PHYH: variants seen among roughly 807,000 people sequenced by gnomAD.
PHYH encodes phytanoyl-CoA dioxygenase, peroxisomal.
A neutral mutation model predicts 38.5 loss-of-function variants in PHYH; 32 were observed. The observed-to-expected ratio is 0.83, with a 90% CI of 0.63 to 1.12. The LOEUF (loss-of-function observed/expected upper bound fraction) is 1.12, where lower values mean the gene tolerates loss of function less well. Among genes scored for constraint, PHYH ranks in the 50% most tolerant of loss-of-function variants. The probability of loss-of-function intolerance (pLI) is 0.00; values close to 1 mark genes in which losing one functional copy is unlikely to be tolerated. For synonymous variants in PHYH, 166 were observed against 157.9 expected, an observed-to-expected ratio of 1.05 and a Z score of -0.38; for missense variants, 426 against 434.8, an observed-to-expected ratio of 0.98 and a Z score of 0.18.
At chr10:13,295,117 G>C in intron 3 of PHYH, 1 of 283,238 alleles carries the variant, frequency 3.5e-6, no homozygotes, top group South Asian at 3.8e-5. Flanking sequence ...GAGGCCAGGA[G>C]TTCAAGACCA....
In PHYH at chr10:13,278,268, T is replaced by A. The variant is rs1835334828; in HGVS notation, c.*33A>T. The A allele has an allele frequency of 6.6e-7, 1 of 1,521,028 alleles. No individual in the cohort carries two copies. The highest frequency in any genetic ancestry group is 9.1e-7 in the Non-Finnish European group (1 of 1,095,058). The allele number at this position is 1,521,028 out of a possible 1,614,324, so 94.2% of individuals were successfully genotyped here. A position where few individuals can be genotyped will look rare whatever the true frequency, so the allele number is the denominator to read the frequency against. ...CTTAGACATTTCGTTTGGTTTTGGT[T>A]TTCTGTTGAAAGAGTTATAGCAGAT... On this transcript the variant is annotated 3_prime_UTR_variant, in exon 9 of 9. Coordinates refer to ENST00000263038, the MANE Select transcript of PHYH (RefSeq NM_006214.4).
chr10:13,289,404 C>T (rs961827667), intron 5 of PHYH, among the ~76,000 whole-genome samples: 1 of 151,934 alleles, frequency 6.6e-6, no homozygotes, highest in African/African-American at 2.4e-5. Context: ...ACTGTGTTAG[C>T]CAGGATGGTC....
chr10:13,282,889 G>A (rs960196905), intron 7 of PHYH, among the ~76,000 whole-genome samples: 2 of 151,990 alleles, frequency 1.3e-5, no homozygotes, highest in Non-Finnish European at 2.9e-5. Flanking sequence ...GCCCCAACTT[G>A]TCCCACCCTA....
chr10:13,299,889 C>G lies in PHYH; in HGVS notation c.75+79G>C, dbSNP rs732704. Reference sequence around the variant, plus strand: ...TGCGAAGCGTGCGACCCCGAGGCCTCCACCCGGACCAGGGCCACCACTCAG... The same window carrying G: ...TGCGAAGCGTGCGACCCCGAGGCCTGCACCCGGACCAGGGCCACCACTCAG... On this transcript the variant is annotated intron_variant, in intron 1 of 8. Transcript: ENST00000263038. The G allele has an allele frequency of 0.24, 346,258 of 1,453,870 alleles. 43,076 individuals are homozygous for G. Among genetic ancestry groups the G allele is most frequent in the African/African-American group, 0.38 (25,270 of 67,360 alleles). 90.1% of individuals were successfully genotyped at this position (1,453,870 alleles called of 1,614,324 possible). A position where few individuals can be genotyped will look rare whatever the true frequency, so the allele number is the denominator to read the frequency against.
intron 5 of PHYH, 115 bp from the exon 6 acceptor site, chr10:13,288,656 A>T: frequency 9.8e-7 from 1 of 1,015,486 alleles, no homozygotes; most frequent in East Asian, 2.4e-5. Context: ...GCTGAGGCAG[A>T]TGGATGGCTT....
At chr10:13,299,500 G>C (rs1832687519) in intron 1 of PHYH, 3 of 1,003,458 alleles carry the variant, frequency 3.0e-6, no homozygotes, top group Non-Finnish European at 3.6e-6. Flanking sequence ...CCTGGGCAGC[G>C]CCTGCCTGGC....
At chr10:13,294,385 A>C (rs1835785940) in intron 4 of PHYH, 43 bp downstream of exon 4, 2 of 1,595,370 alleles carry the variant, frequency 1.3e-6, no homozygotes, top group African/African-American at 2.7e-5. Context: ...GCAGACATAC[A>C]CACTGGCAAT....
At position 13,278,161 on chromosome 10, in the gene PHYH, T is replaced by C; in HGVS notation, c.*140A>G. ...CCATTGTGCTGCAAAACTAACTCTA[T>C]GCAATTAAGTACCTGATACATGTTT... is the stretch of plus-strand genomic sequence containing the variant. On this transcript the variant is annotated 3_prime_UTR_variant, in exon 9 of 9. Coordinates refer to ENST00000263038, the MANE Select transcript of PHYH (RefSeq NM_006214.4). 1.4e-6 allele frequency: 1 copy of C among 699,374 alleles called. No individual in the cohort carries two copies. Among genetic ancestry groups the C allele is most frequent in the Non-Finnish European group, 2.6e-6 (1 of 378,560 alleles). The allele number at this position is 699,374 out of a possible 1,614,324, so 43.3% of individuals were successfully genotyped here. A position where few individuals can be genotyped will look rare whatever the true frequency, so the allele number is the denominator to read the frequency against.
intron 2 of PHYH, among the ~76,000 whole-genome samples, chr10:13,296,786 T>C (rs1337875132): frequency 2.0e-5 from 3 of 151,414 alleles, no homozygotes; most frequent in Non-Finnish European, 4.4e-5. Flanking sequence ...GAAACCCGCC[T>C]CTACTAAAAA....
intron 7 of PHYH, among the ~76,000 whole-genome samples, chr10:13,282,529 T>C (rs1372356426): frequency 6.9e-6 from 1 of 145,320 alleles, no homozygotes; most frequent in Non-Finnish European, 1.5e-5. Context: ...GAGGCCAAGG[T>C]TGCAGTCAGC....
chr10:13,294,604 A>T lies in PHYH; in HGVS notation c.246-8T>A, dbSNP rs984482311. On this transcript the variant is annotated splice_region_variant and splice_polypyrimidine_tract_variant and intron_variant, in intron 3 of 8. Transcript: ENST00000263038. ...ATTTTTTCAAACTCATTCCTAGAAAATTTAATTTGCAAATGATGTCGTTAC... is the reference window on the plus strand; with the variant it reads ...ATTTTTTCAAACTCATTCCTAGAAATTTTAATTTGCAAATGATGTCGTTAC... 1.2e-6 allele frequency: 2 copies of T among 1,613,596 alleles called. No individual in the cohort carries two copies. The highest frequency in any genetic ancestry group is 2.7e-5 in the African/African-American group (2 of 74,994).
At chr10:13,293,243 T>G (rs1835756390) in intron 4 of PHYH, among the ~76,000 whole-genome samples, 1 of 152,146 alleles carries the variant, frequency 6.6e-6, no homozygotes, top group Admixed American at 6.6e-5. Flanking sequence ...TAACTTGTAC[T>G]GTTATTTAGC....
At chr10:13,283,212 T>TC (rs1835458063) in intron 7 of PHYH, among the ~76,000 whole-genome samples, 2 of 142,618 alleles carry the variant, frequency 1.4e-5, no homozygotes. Flanking sequence ...CACTGCAGAC[T>TC]CCACCCCCTG....
At position 13,291,923 on chromosome 10, in the gene PHYH, A is replaced by G. The variant is rs1262842215; in HGVS notation, c.415-11T>C. ...CACATATTTCAGAATCTAAGAAAGC[A>G]AAAAAAAAACAAAAACAAACCTTGT... On this transcript the variant is annotated splice_polypyrimidine_tract_variant and intron_variant, in intron 4 of 8. Coordinates refer to ENST00000263038, the MANE Select transcript of PHYH (RefSeq NM_006214.4). 2.9e-6 allele frequency: 4 copies of G among 1,394,950 alleles called. No individual in the cohort carries two copies. The highest frequency in any genetic ancestry group is 3.9e-6 in the Non-Finnish European group (4 of 1,014,986). 86.4% of individuals were successfully genotyped at this position (1,394,950 alleles called of 1,614,324 possible).
At chr10:13,295,096 C>T (rs113775953) in intron 3 of PHYH, 3,048 of 282,590 alleles carry the variant, frequency 0.011, 96 homozygotes, top group African/African-American at 0.063. Flanking sequence ...ATCCCAGCAA[C>T]TCAGGAGGGT....
rs578094131 is a variant in PHYH, at chr10:13,284,886, C to G, written c.679-1047G>C. ...ATCCCTCTTAGACAGTGCTGAGACT[C>G]TGACCCAGAGCCCTTCTCTCCTGGC... On this transcript the variant is annotated intron_variant, in intron 6 of 8. Transcript: ENST00000263038. Among the ~76,000 whole-genome samples, 7 of 152,256 alleles carry G rather than the reference C, an allele frequency of 4.6e-5. No homozygotes were observed. The South Asian group carries it at 1.0e-3, about 23-fold the overall frequency.
chr10:13,298,113 G>T, intron 2 of PHYH, 74 bp downstream of exon 2: 2 of 842,746 alleles, frequency 2.4e-6, no homozygotes, highest in South Asian at 1.4e-5. Context: ...CATATTATGT[G>T]GTATATCTTC....
At chr10:13,283,185 G>A (rs1835456931) in intron 7 of PHYH, among the ~76,000 whole-genome samples, 2 of 143,776 alleles carry the variant, frequency 1.4e-5, no homozygotes, top group Non-Finnish European at 3.0e-5. Flanking sequence ...CTGGAGTGCA[G>A]TGGCGCGATC....
At chr10:13,289,552 C>T (rs2131642488) in intron 5 of PHYH, among the ~76,000 whole-genome samples, 2 of 152,254 alleles carry the variant, frequency 1.3e-5, no homozygotes, top group South Asian at 4.1e-4. Flanking sequence ...TGCAGTAATG[C>T]ATGTTCAAAA....
Sources: allele counts gnomAD v4.1 joint callset (sites outside exome capture counted in the v4.1 genomes callset), GRCh38; gene constraint gnomAD v4.1.1; transcripts MANE v1.5; gene names NCBI Gene and HGNC (gene_info 2026-07-23, HGNC 2026-07-21).